CMIP: variants seen among roughly 807,000 people sequenced by gnomAD.
CMIP encodes c-Maf inducing protein.
Under a neutral mutation model 97.3 loss-of-function variants are expected in CMIP, and 13 were observed. That is an observed-to-expected ratio of 0.13 (90% CI 0.09 to 0.21). The LOEUF (loss-of-function observed/expected upper bound fraction) is 0.21, where lower values mean the gene tolerates loss of function less well. Ranked by LOEUF, CMIP falls within the 10% of genes least tolerant of loss-of-function variation. The pLI is 1.00. For missense variants in CMIP, 847 were observed against 1,024.9 expected, an observed-to-expected ratio of 0.83 and a Z score of 2.37; for synonymous variants, 538 against 436.3, an observed-to-expected ratio of 1.23 and a Z score of -2.91.
intron 1 of CMIP, among the ~76,000 whole-genome samples, chr16:81,531,096 G>T (rs779971070): frequency 7.2e-5 from 11 of 152,196 alleles, no homozygotes; most frequent in Non-Finnish European, 1.2e-4. Flanking sequence ...CTTTGCAGAT[G>T]CGACCAAGTT....
At chr16:81,533,284 C>G (rs1207475075) in intron 1 of CMIP, among the ~76,000 whole-genome samples, 3 of 152,200 alleles carry the variant, frequency 2.0e-5, no homozygotes, top group Non-Finnish European at 4.4e-5. Context: ...CTGGCACCTG[C>G]TAGATGCTCA....
chr16:81,532,312 C>T (rs759635828), intron 1 of CMIP, among the ~76,000 whole-genome samples: 35 of 152,334 alleles, frequency 2.3e-4, no homozygotes, highest in Non-Finnish European at 4.6e-4. Flanking sequence ...TGTGCACCTG[C>T]GTGTGCGTGT....
At chr16:81,689,986 AG>A (rs1309762812) in intron 10 of CMIP, among the ~76,000 whole-genome samples, 1 of 152,116 alleles carries the variant, frequency 6.6e-6, no homozygotes, top group African/African-American at 2.4e-5. Flanking sequence ...ATTATTTCTG[AG>A]GGCCCTGTTC....
chr16:81,684,328 G>A (rs541471006), intron 10 of CMIP, among the ~76,000 whole-genome samples: 1 of 152,384 alleles, frequency 6.6e-6, no homozygotes, highest in East Asian at 1.9e-4. Flanking sequence ...TGCATAGCAG[G>A]AGCAAAGTGG....
At chr16:81,660,120 C>T (rs1329311185) in intron 5 of CMIP, among the ~76,000 whole-genome samples, 1 of 152,060 alleles carries the variant, frequency 6.6e-6, no homozygotes, top group Non-Finnish European at 1.5e-5. Flanking sequence ...TGGTCCGGCT[C>T]ACTATGGAAG....
intron 1 of CMIP, among the ~76,000 whole-genome samples, chr16:81,513,222 G>A (rs913572386): frequency 1.3e-5 from 2 of 152,226 alleles, no homozygotes; most frequent in Non-Finnish European, 1.5e-5. Context: ...GTAGAGCGGG[G>A]CCTGCCTGCA....
At chr16:81,578,300 C>G (rs1389596563) in intron 1 of CMIP, among the ~76,000 whole-genome samples, 2 of 152,216 alleles carry the variant, frequency 1.3e-5, no homozygotes, top group African/African-American at 4.8e-5. Flanking sequence ...CATCATTTAA[C>G]TAAAAGTGAG....
At chr16:81,545,123 T>G (rs771672697) in intron 1 of CMIP, among the ~76,000 whole-genome samples, 3 of 152,186 alleles carry the variant, frequency 2.0e-5, no homozygotes, top group Non-Finnish European at 4.4e-5. Flanking sequence ...GGTTCCCCTT[T>G]CCGCTTTCCC....
intron 9 of CMIP, among the ~76,000 whole-genome samples, chr16:81,675,566 C>G (rs1020154375): frequency 6.6e-6 from 1 of 152,076 alleles, no homozygotes; most frequent in African/African-American, 2.4e-5. Context: ...TTCAGAATCA[C>G]CTGGACTGCT....
intron 3 of CMIP, among the ~76,000 whole-genome samples, chr16:81,634,893 A>G (rs924750706): frequency 2.0e-5 from 3 of 152,168 alleles, no homozygotes; most frequent in African/African-American, 7.2e-5. Context: ...AGTGAAATAA[A>G]CAACAGAGGC....
chr16:81,475,448 A>G (rs555186935), intron 1 of CMIP, among the ~76,000 whole-genome samples: 23 of 152,300 alleles, frequency 1.5e-4, no homozygotes, highest in African/African-American at 5.3e-4. Context: ...TTGTACTTGT[A>G]CAACTACATA....
chr16:81,492,933 G>T (rs1356376773), intron 1 of CMIP, among the ~76,000 whole-genome samples: 3 of 152,236 alleles, frequency 2.0e-5, no homozygotes, highest in Admixed American at 2.0e-4. Context: ...GGGAGCGGCC[G>T]AAGAGGAGGG....
chr16:81,693,035 C>A, intron 11 of CMIP, 123 bp from the exon 12 acceptor site: 1 of 718,280 alleles, frequency 1.4e-6, no homozygotes, highest in Admixed American at 2.5e-5. Context: ...ATTTCACTCA[C>A]ATTCCTCTTC....
At chr16:81,688,927 G>T (rs34895689) in intron 10 of CMIP, among the ~76,000 whole-genome samples, 2 of 151,970 alleles carry the variant, frequency 1.3e-5, no homozygotes, top group Non-Finnish European at 2.9e-5. Flanking sequence ...CTGTCCTTGC[G>T]ATAGTTTGCT....
At chr16:81,633,633 A>G (rs1331534673) in intron 3 of CMIP, among the ~76,000 whole-genome samples, 2 of 152,214 alleles carry the variant, frequency 1.3e-5, no homozygotes, top group African/African-American at 4.8e-5. Context: ...CAGAACCAAC[A>G]GACTGTTTTG....
intron 16 of CMIP, 49 bp downstream of exon 16, chr16:81,701,849 G>A (rs745552685): frequency 2.0e-5 from 32 of 1,609,154 alleles, no homozygotes; most frequent in African/African-American, 5.3e-5. Context: ...CAGGCCAGGG[G>A]GGGCCAGGGC....
chr16:81,668,428 C>A (rs1332844156), intron 7 of CMIP, among the ~76,000 whole-genome samples: 1 of 152,190 alleles, frequency 6.6e-6, no homozygotes, highest in Non-Finnish European at 1.5e-5. Context: ...AGCCCCAAGC[C>A]CCCCACTGGG....
rs922460237 is a variant in CMIP, at chr16:81,711,592, A to T, written c.*1793A>T. On this transcript the variant is annotated 3_prime_UTR_variant, in exon 21 of 21. Transcript: ENST00000537098. Reference sequence around the variant, plus strand: ...GCAAAAAAAATAAAAATAAAAAAATAAATAAAAATAAAAAAAATAAAAAAG... The same window carrying T: ...GCAAAAAAAATAAAAATAAAAAAATTAATAAAAATAAAAAAAATAAAAAAG... 7.8e-6 allele frequency: 1 copy of T among 127,756 alleles called. No individual in the cohort carries two copies. The highest frequency in any genetic ancestry group is 1.6e-5 in the Non-Finnish European group (1 of 62,008). 7.9% of individuals were successfully genotyped at this position (127,756 alleles called of 1,614,324 possible).
chr16:81,487,651 C>T (rs532766454), intron 1 of CMIP, among the ~76,000 whole-genome samples: 42 of 152,340 alleles, frequency 2.8e-4, no homozygotes, highest in African/African-American at 9.9e-4. Context: ...TGACACTGGG[C>T]AAGTCACTTA....
Sources: gnomAD v4.1 joint callset for allele counts (sites outside exome capture counted in the v4.1 genomes callset) on GRCh38, gnomAD v4.1.1 for gene constraint, MANE v1.5 for transcripts, NCBI Gene and HGNC (gene_info 2026-07-23, HGNC 2026-07-21) for gene names.